Variants in FAM199X observed in about 807,000 individuals in gnomAD.
FAM199X encodes the protein family with sequence similarity 199, X-linked, also known as protein FAM199X.
In FAM199X, 4 loss-of-function variants were observed where a neutral mutation model predicts 22.9. The ratio of observed to expected loss-of-function variants is 0.17; its 90% CI spans 0.09 to 0.40. The LOEUF (loss-of-function observed/expected upper bound fraction) is 0.40. Ranked by LOEUF, FAM199X falls within the 10% of genes least tolerant of loss-of-function variation. The pLI is 1.00. For synonymous variants in FAM199X, 101 were observed against 112.3 expected (o/e 0.90, Z 0.64); for missense variants, 183 against 306.8 (o/e 0.60, Z 3.01).
the FAM199X span, among the ~76,000 whole-genome samples, chrX:104,158,936 C>G: frequency 8.9e-6 from 1 of 112,321 alleles, no homozygotes; most frequent in Non-Finnish European, 1.9e-5. Context: ...GTTTGAATTG[C>G]AGACAAATCA....
chrX:104,192,227 A>G lies in FAM199X; in HGVS notation c.*2449A>G, dbSNP rs1921958123. ...TTTAATGTCTTGTGTAGATAATTCA[A>G]AGTTTGAACTATTTCTTTCTTGGAA... is the stretch of plus-strand genomic sequence containing the variant. On this transcript the variant is annotated 3_prime_UTR_variant, in exon 6 of 6. Transcript: ENST00000493442. 9.0e-6 allele frequency: 1 copy of G among 111,460 alleles called. No individual in the cohort carries two copies. The highest frequency in any genetic ancestry group is 3.3e-5 in the African/African-American group (1 of 30,767). The allele number at this position is 111,460 out of a possible 1,213,427, so 9.2% of individuals were successfully genotyped here.
At chrX:104,187,245 G>A (rs1334544022) in intron 4 of FAM199X, among the ~76,000 whole-genome samples, 1 of 110,111 alleles carries the variant, frequency 9.1e-6, no homozygotes, top group Non-Finnish European at 1.9e-5. Context: ...CAACGCACCC[G>A]GCTAATTTTT....
chrX:104,161,445 G>A, the FAM199X span, among the ~76,000 whole-genome samples: 1 of 112,212 alleles, frequency 8.9e-6, no homozygotes. Flanking sequence ...TTTGGTAAGA[G>A]CAATTGAAGA....
rs1556380228 is a variant in FAM199X at position 104,190,861 on chromosome X, G to A, written c.*1083G>A. Reference sequence around the variant, plus strand: ...GCAATGAGATATAGAAAACACCTTAGCTTGTTGGTTATTAATAGAGCTCTA... The same window carrying A: ...GCAATGAGATATAGAAAACACCTTAACTTGTTGGTTATTAATAGAGCTCTA... On this transcript the variant is annotated 3_prime_UTR_variant, in exon 6 of 6. Coordinates refer to ENST00000493442, the MANE Select transcript of FAM199X (RefSeq NM_207318.4). 2.7e-5 allele frequency: 3 copies of A among 111,899 alleles called. No individual in the cohort carries two copies. Among genetic ancestry groups the A allele is most frequent in the Admixed American group, 1.9e-4 (2 of 10,525 alleles). 9.2% of individuals were successfully genotyped at this position (111,899 alleles called of 1,213,427 possible). A position where few individuals can be genotyped will look rare whatever the true frequency, so the allele number is the denominator to read the frequency against.
intron 2 of FAM199X, among the ~76,000 whole-genome samples, chrX:104,182,271 G>A (rs1263338100): frequency 9.0e-6 from 1 of 110,902 alleles, no homozygotes; most frequent in Admixed American, 9.6e-5. Flanking sequence ...ACAGGTGTGA[G>A]CCACTGCGCT....
At position 104,192,271 on chromosome X, in the gene FAM199X, A is replaced by G. The variant is rs1380441977; in HGVS notation, c.*2493A>G. 1 of 111,874 alleles carries G rather than the reference A, an allele frequency of 8.9e-6. No homozygotes were observed. The highest frequency in any genetic ancestry group is 3.2e-5 in the African/African-American group (1 of 30,908). 9.2% of individuals were successfully genotyped at this position (111,874 alleles called of 1,213,427 possible). On this transcript the variant is annotated 3_prime_UTR_variant, in exon 6 of 6. Coordinates refer to ENST00000493442, the MANE Select transcript of FAM199X (RefSeq NM_207318.4). Reference sequence around the variant, plus strand: ...CTTGGAATAAGTAATAATTTATTCAATATGGTGTATCTCTGAGTTCAATTT... The same window carrying G: ...CTTGGAATAAGTAATAATTTATTCAGTATGGTGTATCTCTGAGTTCAATTT...
Position 104,166,687 on chromosome X carries a change from G to T in FAM199X, c.-99G>T. On this transcript the variant is annotated 5_prime_UTR_variant, in exon 1 of 6. Transcript: ENST00000493442. ...CAGTGAGCTGCGACGGGCACACCCC[G>T]GAGCGTCGGCGACTGCGGACAGGTT... The T allele has an allele frequency of 1.3e-6, 1 of 775,208 alleles. No individual in the cohort carries two copies. The highest frequency in any genetic ancestry group is 1.8e-6 in the Non-Finnish European group (1 of 558,154). 63.9% of individuals were successfully genotyped at this position (775,208 alleles called of 1,213,427 possible).
intron 2 of FAM199X, among the ~76,000 whole-genome samples, chrX:104,179,304 C>A (rs868923688): frequency 8.9e-6 from 1 of 111,758 alleles, no homozygotes; most frequent in Non-Finnish European, 1.9e-5. Flanking sequence ...TATTTAGGGC[C>A]TCTTTATTTC....
chrX:104,186,169 G>A lies in FAM199X; in HGVS notation c.521G>A (p.Arg174Gln), dbSNP rs370616867. 1.1e-5 allele frequency: 13 copies of A among 1,208,930 alleles called. No homozygotes were observed. The highest frequency in any genetic ancestry group is 7.0e-5 in the South Asian group (4 of 56,776). Residue 174 changes from arginine (R) to glutamine (Q), a missense_variant, in exon 3 of 6, where the codon CGG (arginine) becomes CAG (glutamine). This residue lies in a region of FAM199X where 128 missense variants were observed against 246.2 expected (regional missense o/e 0.52). Coordinates refer to ENST00000493442, the MANE Select transcript of FAM199X (RefSeq NM_207318.4). ...CTTCCTAAAAAGAAAAACAAGCACCGGAATTTAGATGAACTCCCTTGGAGT... is the reference window on the plus strand; with the variant it reads ...CTTCCTAAAAAGAAAAACAAGCACCAGAATTTAGATGAACTCCCTTGGAGT... ...CLLPKKKNKH[R>Q]NLDELPWSAM...
At chrX:104,189,502 G>T in intron 5 of FAM199X, 106 bp from the exon 6 acceptor site, 4 of 808,228 alleles carry the variant, frequency 4.9e-6, no homozygotes, top group Non-Finnish European at 7.4e-6. Flanking sequence ...AGAAGGATTT[G>T]AACAGCTCTT....
upstream of FAM199X, among the ~76,000 whole-genome samples, chrX:104,164,813 G>C (rs1556373351): frequency 9.0e-6 from 1 of 111,458 alleles, no homozygotes; most frequent in Non-Finnish European, 1.9e-5. Context: ...CCGGGAGGTG[G>C]GGGTTGCAGT....
intron 1 of FAM199X, among the ~76,000 whole-genome samples, chrX:104,167,470 T>C (rs1556374294): frequency 9.1e-6 from 1 of 110,165 alleles, no homozygotes; most frequent in Non-Finnish European, 1.9e-5. Context: ...CTATTTTTAA[T>C]CTGTCTCACA....
At chrX:104,177,703 T>C (rs1921527306) in intron 2 of FAM199X, among the ~76,000 whole-genome samples, 1 of 112,262 alleles carries the variant, frequency 8.9e-6, no homozygotes, top group Non-Finnish European at 1.9e-5. Flanking sequence ...CATCTTTTCA[T>C]GTGCTTATTG....
At chrX:104,186,342 G>A in intron 3 of FAM199X, 118 bp from the exon 4 acceptor site, 1 of 1,074,267 alleles carries the variant, frequency 9.3e-7, no homozygotes, top group South Asian at 2.2e-5. Flanking sequence ...AGCTTTAACG[G>A]TTTTTCAGGG....
intron 2 of FAM199X, 65 bp downstream of exon 2, chrX:104,175,907 G>T: frequency 1.3e-6 from 1 of 786,054 alleles, no homozygotes; most frequent in African/African-American, 2.1e-5. Flanking sequence ...CTTTTCTTTT[G>T]ATATTTTCAT....
At chrX:104,172,978 T>C (rs1004849951) in intron 1 of FAM199X, among the ~76,000 whole-genome samples, 1 of 111,539 alleles carries the variant, frequency 9.0e-6, no homozygotes, top group Non-Finnish European at 1.9e-5. Context: ...AATGTATTTT[T>C]GTTTTGTTTT....
rs1265283787 is a variant in FAM199X at position 104,192,721 on chromosome X, A to G, written c.*2943A>G. On this transcript the variant is annotated 3_prime_UTR_variant, in exon 6 of 6. Coordinates refer to ENST00000493442, the MANE Select transcript of FAM199X (RefSeq NM_207318.4). ...ATAACACTTTTTTTTCATGAGACTT[A>G]CCTCATTTTTGTTAGGCTATGGCAG... The G allele has an allele frequency of 3.6e-5, 4 of 111,378 alleles. No individual in the cohort carries two copies. The highest frequency in any genetic ancestry group is 9.7e-5 in the African/African-American group (3 of 30,799). The allele number at this position is 111,378 out of a possible 1,213,427, so 9.2% of individuals were successfully genotyped here. A position where few individuals can be genotyped will look rare whatever the true frequency, so the allele number is the denominator to read the frequency against.
chrX:104,169,100 G>A (rs1921288990), intron 1 of FAM199X, among the ~76,000 whole-genome samples: 1 of 111,682 alleles, frequency 9.0e-6, no homozygotes, highest in Non-Finnish European at 1.9e-5. Flanking sequence ...TCAAGATGGT[G>A]CTTGAGAGGA....
At chrX:104,175,872 G>A (rs1556376331) in intron 2 of FAM199X, 30 bp downstream of exon 2, 2 of 1,033,340 alleles carry the variant, frequency 1.9e-6, no homozygotes, top group Admixed American at 2.3e-5. Flanking sequence ...TCTTGACATT[G>A]TTACTACCGA....
Sources: gnomAD v4.1 joint callset for allele counts (sites outside exome capture counted in the v4.1 genomes callset) on GRCh38, gnomAD v4.1.1 for gene constraint, gnomAD v4.1.1 regional missense constraint, MANE v1.5 for transcripts, NCBI Gene and HGNC (gene_info 2026-07-23, HGNC 2026-07-21) for gene names.